SEMA6A: variants seen among roughly 807,000 people sequenced by gnomAD.
SEMA6A encodes semaphorin-6A.
In SEMA6A, 25 loss-of-function variants were observed where a neutral mutation model predicts 96.8. The observed-to-expected ratio is 0.26, with a 90% CI of 0.19 to 0.36. The LOEUF is 0.36. Ranked by LOEUF, SEMA6A falls within the 10% of genes least tolerant of loss-of-function variation. SEMA6A has a pLI of 1.00. For synonymous variants in SEMA6A, 612 were observed against 518.0 expected (o/e 1.18, Z -2.46); for missense variants, 1,363 against 1,323.1 (o/e 1.03, Z -0.47).
At chr5:116,494,026 C>T (rs1373406934) in intron 6 of SEMA6A, among the ~76,000 whole-genome samples, 2 of 152,184 alleles carry the variant, frequency 1.3e-5, no homozygotes, top group Admixed American at 6.5e-5. Flanking sequence ...TCCATCTACT[C>T]GCCAAGAGAT....
chr5:116,474,768 G>C (rs1756366784), intron 16 of SEMA6A, among the ~76,000 whole-genome samples: 1 of 152,132 alleles, frequency 6.6e-6, no homozygotes, highest in Non-Finnish European at 1.5e-5. Flanking sequence ...TTGAATGCAA[G>C]CTTCTTGAAA....
chr5:116,562,049 A>G (rs1481949321), intron 1 of SEMA6A, among the ~76,000 whole-genome samples: 2 of 152,140 alleles, frequency 1.3e-5, no homozygotes, highest in Non-Finnish European at 2.9e-5. Flanking sequence ...AACTTTTGAC[A>G]TCTCCTCCTT....
intron 18 of SEMA6A, among the ~76,000 whole-genome samples, chr5:116,452,353 C>G (rs1754690873): frequency 1.3e-5 from 2 of 152,100 alleles, no homozygotes; most frequent in Non-Finnish European, 2.9e-5. Flanking sequence ...AAGGCACACC[C>G]TGGCTTAGAG....
At chr5:116,458,345 A>T (rs1310252333) in intron 18 of SEMA6A, among the ~76,000 whole-genome samples, 1 of 152,196 alleles carries the variant, frequency 6.6e-6, no homozygotes, top group South Asian at 2.1e-4. Flanking sequence ...TGAAAGTTCC[A>T]TTAAGCTGTC....
At chr5:116,465,398 A>G (rs1755666221) in intron 18 of SEMA6A, among the ~76,000 whole-genome samples, 1 of 152,226 alleles carries the variant, frequency 6.6e-6, no homozygotes, top group South Asian at 2.1e-4. Context: ...TAAAAGGAAC[A>G]TTAAGCTACA....
In SEMA6A at chr5:116,488,141, C is replaced by T; in HGVS notation, c.711G>A (p.Arg237=). The change falls in exon 9 of 19, where the codon AGG becomes AGA. Residue 237 remains arginine, a synonymous_variant. Transcript: ENST00000343348. ...DYGDYIYFFF[R]EIAVEYNTMG... ...TGGTGTTATACTCCACTGCTATTTC[C>T]CTGAAGAAGAAGTAGATATAATCTC... The T allele has an allele frequency of 1.2e-6, 2 of 1,612,190 alleles. No individual in the cohort carries two copies. Among genetic ancestry groups the T allele is most frequent in the Middle Eastern group, 1.7e-4 (1 of 6,054 alleles).
intron 18 of SEMA6A, among the ~76,000 whole-genome samples, chr5:116,463,490 G>A (rs73270748): frequency 0.07 from 10,611 of 152,118 alleles, 664 homozygotes; most frequent in African/African-American, 0.16. Context: ...GAATCTTACC[G>A]GAATATTATT....
At chr5:116,493,201 C>G (rs977471260) in intron 6 of SEMA6A, among the ~76,000 whole-genome samples, 2 of 152,146 alleles carry the variant, frequency 1.3e-5, no homozygotes, top group African/African-American at 4.8e-5. Context: ...CATTCATGGC[C>G]TGTATATTAC....
intron 11 of SEMA6A, among the ~76,000 whole-genome samples, chr5:116,481,284 C>T (rs182584965): frequency 1.3e-5 from 2 of 152,188 alleles, no homozygotes; most frequent in Admixed American, 1.3e-4. Context: ...AAACCTGATC[C>T]CTCAGGCTGA....
intron 5 of SEMA6A, 139 bp downstream of exon 5, chr5:116,496,111 TC>T (rs1358484836): frequency 1.4e-6 from 1 of 705,098 alleles, no homozygotes; most frequent in African/African-American, 1.8e-5. Flanking sequence ...ATTAAAGCCT[TC>T]AGTAAGTTGA....
At chr5:116,566,522 C>G (rs1761034318) in intron 1 of SEMA6A, among the ~76,000 whole-genome samples, 1 of 152,202 alleles carries the variant, frequency 6.6e-6, no homozygotes, top group Non-Finnish European at 1.5e-5. Context: ...TCTTTCCATT[C>G]TGTTTCCACT....
Position 116,548,642 on chromosome 5 carries a change from C to G in SEMA6A, c.-39+25543G>C, listed in dbSNP as rs1561530958. On this transcript the variant is annotated intron_variant, in intron 1 of 18. Transcript: ENST00000343348. ...AGATATGTTTCCAAAAATCCCCTTT[C>G]CAATGGGAAAATTGAGGCCAAGGAA... 2.0e-5 allele frequency among the ~76,000 whole-genome samples: 3 copies of G among 152,154 alleles called. No homozygotes were observed. The South Asian group carries it at 6.2e-4, about 32-fold the overall frequency.
chr5:116,562,525 C>T (rs1760857189), intron 1 of SEMA6A: 4 of 522,072 alleles, frequency 7.7e-6, no homozygotes, highest in African/African-American at 2.0e-5. Context: ...ATAAGGCCCA[C>T]TCTTTCCGGT....
chr5:116,465,889 A>G lies in SEMA6A; in HGVS notation c.1894+1694T>C, dbSNP rs26583. Among the ~76,000 whole-genome samples the G allele has an allele frequency of 2.0e-5, 3 of 152,268 alleles. No individual in the cohort carries two copies. In the East Asian group the frequency reaches 5.8e-4, roughly 29 times the overall value. ...TCTACTGAGTTTTCTCTTCTTGAGA[A>G]TACAGTCAGGACTAGCACATCTGAG... On this transcript the variant is annotated intron_variant, in intron 18 of 18. Transcript: ENST00000343348.
intron 18 of SEMA6A, among the ~76,000 whole-genome samples, chr5:116,461,769 A>G (rs973752246): frequency 6.6e-6 from 1 of 152,148 alleles, no homozygotes; most frequent in African/African-American, 2.4e-5. Context: ...GTTGGTCATA[A>G]AGGCCTTTTG....
intron 10 of SEMA6A, among the ~76,000 whole-genome samples, chr5:116,484,639 T>A (rs76108853): frequency 1.9e-4 from 22 of 114,310 alleles, no homozygotes; most frequent in Non-Finnish European, 3.2e-4. Context: ...AAAAAAATAA[T>A]AATAATAATA....
chr5:116,490,412 A>G (rs1310828359), intron 7 of SEMA6A, among the ~76,000 whole-genome samples: 1 of 152,120 alleles, frequency 6.6e-6, no homozygotes, highest in African/African-American at 2.4e-5. Flanking sequence ...CTACAGTTAA[A>G]TTTAAATTCT....
chr5:116,557,393 G>A (rs1187113850), intron 1 of SEMA6A, among the ~76,000 whole-genome samples: 1 of 152,170 alleles, frequency 6.6e-6, no homozygotes, highest in Non-Finnish European at 1.5e-5. Flanking sequence ...TGTATTTTTA[G>A]TAGAGACGGG....
At chr5:116,516,545 T>C (rs887025436) in intron 1 of SEMA6A, among the ~76,000 whole-genome samples, 5 of 152,202 alleles carry the variant, frequency 3.3e-5, no homozygotes, top group African/African-American at 1.2e-4. Flanking sequence ...TTTACTTTTA[T>C]GTAAAAAGTG....
Sources: gnomAD v4.1 joint callset for allele counts (sites outside exome capture counted in the v4.1 genomes callset) on GRCh38, gnomAD v4.1.1 for gene constraint, MANE v1.5 for transcripts, NCBI Gene and HGNC (gene_info 2026-07-23, HGNC 2026-07-21) for gene names.